PPP2R3B: variants seen among roughly 807,000 people sequenced by gnomAD.
PPP2R3B encodes the protein protein phosphatase 2 regulatory subunit B''beta, also known as serine/threonine-protein phosphatase 2A regulatory subunit B'' subunit beta.
Under a neutral mutation model 72.9 loss-of-function variants are expected in PPP2R3B, and 68 were observed. The observed-to-expected ratio is 0.93, with a 90% CI of 0.77 to 1.14. The LOEUF (loss-of-function observed/expected upper bound fraction) is 1.14. Among genes scored for constraint, PPP2R3B ranks in the 50% most tolerant of loss-of-function variants. The pLI is 0.00. For missense variants in PPP2R3B, 1,018 were observed against 842.0 expected (o/e 1.21, Z -2.59); for synonymous variants, 466 against 375.8 (o/e 1.24, Z -2.78).
rs1285866313 is a variant in PPP2R3B at position 366,778 on chromosome X, G to A, written c.325-5188C>T. Among the ~76,000 whole-genome samples, 135 of 112,850 alleles carry A rather than the reference G, an allele frequency of 1.2e-3. 1 individual carries two copies. Among genetic ancestry groups the A allele is most frequent in the Middle Eastern group, 4.6e-3 (1 of 216 alleles). 74.0% of individuals were successfully genotyped at this position (112,850 alleles called of 152,430 possible). ...CTTGAGAGGCTGAGGCAGGAGAATC[G>A]CTTCAACACAGGAGGCAGAGGTTGC... On this transcript the variant is annotated intron_variant, in intron 1 of 12. Coordinates refer to ENST00000390665, the MANE Select transcript of PPP2R3B (RefSeq NM_013239.5).
intron 2 of PPP2R3B, among the ~76,000 whole-genome samples, chrX:350,349 C>T (rs1319400121): frequency 6.6e-6 from 1 of 152,228 alleles, no homozygotes; most frequent in Non-Finnish European, 1.5e-5. Flanking sequence ...TTTCACGGGC[C>T]ACACGTGCGC....
chrX:345,190 G>A (rs1280046057), intron 7 of PPP2R3B: 10 of 584,558 alleles, frequency 1.7e-5, no homozygotes, highest in Non-Finnish European at 2.9e-5. Context: ...CGTGTGGCCT[G>A]CCCGCCCTTG....
Position 340,692 on chromosome X carries a change from C to T in PPP2R3B, c.1351+73G>A, listed in dbSNP as rs372207044. 69 of 1,509,896 alleles carry T rather than the reference C, an allele frequency of 4.6e-5. No homozygotes were observed. The African/African-American group carries it at 5.3e-4, about 12-fold the overall frequency. 93.5% of individuals were successfully genotyped at this position (1,509,896 alleles called of 1,614,324 possible). A position where few individuals can be genotyped will look rare whatever the true frequency, so the allele number is the denominator to read the frequency against. ...TCCCTGGGCCGTCCTCTCGCCCGTC[C>T]GTCCCCTCACCCTGGGCCGTCCTCT... On this transcript the variant is annotated intron_variant, in intron 10 of 12. Transcript: ENST00000390665.
chrX:383,328 A>C (rs2072165201), intron 1 of PPP2R3B, among the ~76,000 whole-genome samples: 1 of 152,080 alleles, frequency 6.6e-6, no homozygotes, highest in Admixed American at 6.6e-5. Context: ...TCACTTTGTG[A>C]CATGCTTATT....
chrX:376,732 C>A (rs1421433795), intron 1 of PPP2R3B, among the ~76,000 whole-genome samples: 3 of 85,346 alleles, frequency 3.5e-5, no homozygotes, highest in Non-Finnish European at 7.6e-5. Flanking sequence ...CCCAGTGGGG[C>A]CACCATGGGG....
At chrX:380,764 C>G (rs2072104844) in intron 1 of PPP2R3B, among the ~76,000 whole-genome samples, 1 of 102,358 alleles carries the variant, frequency 9.8e-6, no homozygotes. Context: ...GCAGCCTGGG[C>G]AACAAGAGTG....
In PPP2R3B at chrX:347,493, A is replaced by C; in HGVS notation, c.614+97T>G. 3.6e-6 allele frequency: 5 copies of C among 1,404,034 alleles called. No homozygotes were observed. In the South Asian group the frequency reaches 4.8e-5, roughly 13 times the overall value. The allele number at this position is 1,404,034 out of a possible 1,614,324, so 87.0% of individuals were successfully genotyped here. On this transcript the variant is annotated intron_variant, in intron 3 of 12. Transcript: ENST00000390665. ...TGCCCGTACAAGGGTTTCTCCTCTC[A>C]CTGCGGCAGCCTCAGGGGGCACCCG...
chrX:352,413 G>A (rs1426798636), intron 2 of PPP2R3B, among the ~76,000 whole-genome samples: 3 of 152,224 alleles, frequency 2.0e-5, no homozygotes, highest in East Asian at 3.9e-4. Flanking sequence ...CCTCCCCGTG[G>A]CTCCAGTTCA....
chrX:351,224 G>A (rs1026853036), intron 2 of PPP2R3B, among the ~76,000 whole-genome samples: 1 of 152,186 alleles, frequency 6.6e-6, no homozygotes, highest in Non-Finnish European at 1.5e-5. Context: ...ACCTGGAAGG[G>A]CGTCCCGGTG....
chrX:374,014 G>GT (rs2071932761), intron 1 of PPP2R3B: 1 of 152,546 alleles, frequency 6.6e-6, no homozygotes, highest in South Asian at 2.1e-4. Context: ...GGCCGGGCAA[G>GT]GGGGCGCTTT....
Position 333,972 on chromosome X carries a change from G to T in PPP2R3B, c.*395C>A, listed in dbSNP as rs1177907172. On this transcript the variant is annotated 3_prime_UTR_variant, in exon 13 of 13. Transcript: ENST00000390665. Reference sequence around the variant, plus strand: ...AAGCGTGATCGCCAGAAACGGTTTTGTACGTTTACACAAAACATTCACACA... The same window carrying T: ...AAGCGTGATCGCCAGAAACGGTTTTTTACGTTTACACAAAACATTCACACA... The T allele has an allele frequency of 4.4e-5, 8 of 180,090 alleles. No homozygotes were observed. The highest frequency in any genetic ancestry group is 6.9e-5 in the Non-Finnish European group (6 of 87,072). 11.2% of individuals were successfully genotyped at this position (180,090 alleles called of 1,614,324 possible).
intron 12 of PPP2R3B, chrX:337,086 C>CT (rs907101960): frequency 8.8e-4 from 113 of 129,066 alleles, no homozygotes; most frequent in African/African-American, 2.4e-3. Flanking sequence ...CCATCCCTGG[C>CT]TTTTTTTTTT....
chrX:363,020 C>T (rs1286220032), intron 1 of PPP2R3B, among the ~76,000 whole-genome samples: 7 of 152,112 alleles, frequency 4.6e-5, no homozygotes, highest in African/African-American at 1.7e-4. Context: ...CCCTCACCCA[C>T]GGTGAGACTC....
chrX:353,829 C>T (rs2071379001), intron 2 of PPP2R3B, among the ~76,000 whole-genome samples: 1 of 151,348 alleles, frequency 6.6e-6, no homozygotes, highest in African/African-American at 2.4e-5. Flanking sequence ...AGGGGCTCGC[C>T]CAAAGACCGG....
intron 1 of PPP2R3B, among the ~76,000 whole-genome samples, chrX:372,855 G>A (rs1010043364): frequency 2.6e-5 from 4 of 152,308 alleles, no homozygotes; most frequent in African/African-American, 9.6e-5. Context: ...TTGAACCCAG[G>A]AGGTGGAGGT....
At chrX:338,982 G>C in intron 10 of PPP2R3B, 86 bp from the exon 11 acceptor site, 1 of 1,112,970 alleles carries the variant, frequency 9.0e-7, no homozygotes, top group African/African-American at 1.5e-5. Flanking sequence ...CCTGTCACAC[G>C]TGCTTAAGGA....
Position 341,591 on chromosome X carries a change from A to G in PPP2R3B, c.1086-195T>C, listed in dbSNP as rs781132238. On this transcript the variant is annotated intron_variant, in intron 8 of 12. Coordinates refer to ENST00000390665, the MANE Select transcript of PPP2R3B (RefSeq NM_013239.5). ...TGGCCAGAGGGTTTTCCCCAGATCC[A>G]GGCAGGGTCAGGAGTGCACCTTCGT... The G allele has an allele frequency of 1.1e-3, 704 of 667,002 alleles. 5 individuals carry two copies. In the African/African-American group the frequency reaches 0.012, roughly 11 times the overall value. The allele number at this position is 667,002 out of a possible 1,614,324, so 41.3% of individuals were successfully genotyped here.
chrX:354,345 C>G (rs940885838), intron 2 of PPP2R3B, among the ~76,000 whole-genome samples: 2 of 149,492 alleles, frequency 1.3e-5, no homozygotes, highest in African/African-American at 4.9e-5. Context: ...TGACCACAGA[C>G]GCTACCCCTG....
Position 376,477 on chromosome X carries a change from C to G in PPP2R3B, c.324+9891G>C, listed in dbSNP as rs186987436. Among the ~76,000 whole-genome samples the G allele has an allele frequency of 1.4e-3, 217 of 150,828 alleles. 1 individual carries two copies. Among genetic ancestry groups the G allele is most frequent in the African/African-American group, 5.2e-3 (208 of 40,196 alleles). On this transcript the variant is annotated intron_variant, in intron 1 of 12. Transcript: ENST00000390665. ...ACTACCGTGTACAGGGACGGGCCGT[C>G]CACAGTGGGGCCGCCATGGGGCTGT...
Sources: allele counts gnomAD v4.1 joint callset (sites outside exome capture counted in the v4.1 genomes callset), GRCh38; gene constraint gnomAD v4.1.1; transcripts MANE v1.5; gene names NCBI Gene and HGNC (gene_info 2026-07-23, HGNC 2026-07-21).